Variants in NLE1 observed in about 807,000 individuals in gnomAD.
The protein encoded by NLE1 is notchless homolog 1.
In NLE1, 37 loss-of-function variants were observed where a neutral mutation model predicts 62.8. The observed-to-expected ratio is 0.59, with a 90% CI of 0.45 to 0.78. NLE1 has a LOEUF of 0.78. Among genes scored for constraint, NLE1 ranks in the 30% least tolerant of loss-of-function variants. The pLI, the probability that NLE1 is intolerant of heterozygous loss-of-function variation, is 0.00. For synonymous variants in NLE1, 243 were observed against 253.0 expected, an observed-to-expected ratio of 0.96 and a Z score of 0.37; for missense variants, 555 against 637.9, an observed-to-expected ratio of 0.87 and a Z score of 1.40.
chr17:35,132,398 C>T lies in NLE1; in HGVS notation c.*39G>A. 6.9e-7 allele frequency: 1 copy of T among 1,439,842 alleles called. No individual in the cohort carries two copies. The highest frequency in any genetic ancestry group is 9.2e-7 in the Non-Finnish European group (1 of 1,091,274). The allele number at this position is 1,439,842 out of a possible 1,614,324, so 89.2% of individuals were successfully genotyped here. On this transcript the variant is annotated 3_prime_UTR_variant, in exon 13 of 13. Transcript: ENST00000442241. Reference sequence around the variant, plus strand: ...TGGCAGGGAAGGCAGCTGGCAGAGGCCGAGTCGAGGTGGGGGTCAGAGAGA... The same window carrying T: ...TGGCAGGGAAGGCAGCTGGCAGAGGTCGAGTCGAGGTGGGGGTCAGAGAGA...
rs776328487 is a variant in NLE1 at position 35,140,002 on chromosome 17, G to C, written c.227C>G (p.Thr76Arg). The change falls in exon 3 of 13, where the codon ACG becomes AGG. Residue 76 changes from threonine (T) to arginine (R), a missense_variant. Physicochemically the swap from Thr to Arg is moderately conservative, Grantham distance 71 (BLOSUM62 -1). Coordinates refer to ENST00000442241, the MANE Select transcript of NLE1 (RefSeq NM_018096.5). ...DAEIVSSLGK[T>R]LESQAVETEK... Reference sequence around the variant, plus strand: ...TGTCTCCACTGCCTGGGACTCCAACGTCTTCCCCAGTGAGGAGACGATCTC... The same window carrying C: ...TGTCTCCACTGCCTGGGACTCCAACCTCTTCCCCAGTGAGGAGACGATCTC... 2.5e-6 allele frequency: 4 copies of C among 1,613,978 alleles called. No individual in the cohort carries two copies. Among genetic ancestry groups the C allele is most frequent in the Non-Finnish European group, 3.4e-6 (4 of 1,180,020 alleles).
intron 10 of NLE1, chr17:35,135,020 C>A: frequency 1.6e-6 from 1 of 627,714 alleles, no homozygotes; most frequent in South Asian, 1.5e-5. Flanking sequence ...CCGCTGCACT[C>A]GAGCCACTTG....
chr17:35,132,477 G>A, intron 12 of NLE1, 28 bp from the exon 13 acceptor site: 4 of 1,374,234 alleles, frequency 2.9e-6, no homozygotes, highest in Non-Finnish European at 3.8e-6. Context: ...GTGTCAGGAT[G>A]GGGATTCCAC....
At position 35,130,101 on chromosome 17, in the gene NLE1, TGAG is replaced by T; in HGVS notation, c.*2333_*2335del. On this transcript the variant is annotated 3_prime_UTR_variant, in exon 13 of 13. Transcript: ENST00000442241. ...CCCTTTGGTTGGAAATATCCCATAATGAGGAGGTACAGGCTTGAGTCATGCATC... is the reference window on the plus strand; with the variant it reads ...CCCTTTGGTTGGAAATATCCCATAATGAGGTACAGGCTTGAGTCATGCATC... 1 of 1,428,034 alleles carries T rather than the reference TGAG, an allele frequency of 7.0e-7. No homozygotes were observed. 88.5% of individuals were successfully genotyped at this position (1,428,034 alleles called of 1,614,324 possible).
chr17:35,132,617 T>C (rs1035854041), intron 12 of NLE1, among the ~76,000 whole-genome samples, 168 bp from the exon 13 acceptor site: 1 of 152,064 alleles, frequency 6.6e-6, no homozygotes, highest in Non-Finnish European at 1.5e-5. Flanking sequence ...GCCCACTCAC[T>C]GCCTGCTGCC....
At chr17:35,134,975 C>T (rs1225508388) in intron 10 of NLE1, 1 of 526,204 alleles carries the variant, frequency 1.9e-6, no homozygotes, top group South Asian at 1.5e-5. Context: ...TCACTTGAAC[C>T]CAGGAAGCAG....
intron 2 of NLE1, among the ~76,000 whole-genome samples, 165 bp downstream of exon 2, chr17:35,141,814 C>T (rs747226790): frequency 1.3e-5 from 2 of 152,216 alleles, no homozygotes; most frequent in Non-Finnish European, 2.9e-5. Flanking sequence ...GCGTGTAAAG[C>T]GCTATGCCAC....
chr17:35,134,817 C>T (rs1020680942), intron 10 of NLE1: 4 of 350,402 alleles, frequency 1.1e-5, no homozygotes, highest in South Asian at 2.2e-5. Flanking sequence ...TTTGGGAGGC[C>T]GAGGCAGTTG....
Position 35,129,783 on chromosome 17 carries a change from G to C in NLE1, c.*2654C>G. The C allele has an allele frequency of 6.9e-7, 1 of 1,457,130 alleles. No homozygotes were observed. Among genetic ancestry groups the C allele is most frequent in the Non-Finnish European group, 9.0e-7 (1 of 1,107,728 alleles). The allele number at this position is 1,457,130 out of a possible 1,614,324, so 90.3% of individuals were successfully genotyped here. A position where few individuals can be genotyped will look rare whatever the true frequency, so the allele number is the denominator to read the frequency against. ...CATCTGGCTAGCTTTCCTTCTGCCT[G>C]GGTCAAGAAGCATCAATTCCAGAAT... is the stretch of plus-strand genomic sequence containing the variant. On this transcript the variant is annotated 3_prime_UTR_variant, in exon 13 of 13. Transcript: ENST00000442241.
chr17:35,140,181 T>C (rs2091934438), intron 2 of NLE1, 115 bp from the exon 3 acceptor site: 2 of 1,168,918 alleles, frequency 1.7e-6, no homozygotes, highest in Non-Finnish European at 2.4e-6. Flanking sequence ...TCAGCCATCG[T>C]GCTAGGGATA....
rs2091863801 is a variant in NLE1, at chr17:35,129,548, A to G, written c.*2889T>C. ...GAATCGTCCATGGATCTTCAACAAG[A>G]TTTTGGGCACTACTGTCAAGCTGAT... is the stretch of plus-strand genomic sequence containing the variant. On this transcript the variant is annotated 3_prime_UTR_variant, in exon 13 of 13. Transcript: ENST00000442241. 1 of 1,613,994 alleles carries G rather than the reference A, an allele frequency of 6.2e-7. No individual in the cohort carries two copies. Among genetic ancestry groups the G allele is most frequent in the African/African-American group, 1.3e-5 (1 of 74,890 alleles).
At chr17:35,136,133 C>T in intron 9 of NLE1, 36 bp downstream of exon 9, 1 of 1,611,970 alleles carries the variant, frequency 6.2e-7, no homozygotes, top group South Asian at 1.1e-5. Context: ...AGGACTGGTA[C>T]AGAGCTAGGG....
intron 1 of NLE1, 39 bp downstream of exon 1, chr17:35,142,219 C>T: frequency 6.4e-7 from 1 of 1,563,680 alleles, no homozygotes. Flanking sequence ...CCCTAGCGCC[C>T]CGCGGCGACG....
Position 35,129,101 on chromosome 17 carries a change from C to A in NLE1, c.*3336G>T. 1 of 257,876 alleles carries A rather than the reference C, an allele frequency of 3.9e-6. No individual in the cohort carries two copies. Among genetic ancestry groups the A allele is most frequent in the Non-Finnish European group, 7.6e-6 (1 of 132,206 alleles). 16.0% of individuals were successfully genotyped at this position (257,876 alleles called of 1,614,324 possible). A position where few individuals can be genotyped will look rare whatever the true frequency, so the allele number is the denominator to read the frequency against. ...CTTCGCTTGCTCGCCCACCAATCTCCTCCTGCTGTGCTATCCAGTTCCTAA... is the reference window on the plus strand; with the variant it reads ...CTTCGCTTGCTCGCCCACCAATCTCATCCTGCTGTGCTATCCAGTTCCTAA... On this transcript the variant is annotated 3_prime_UTR_variant, in exon 13 of 13. Transcript: ENST00000442241.
Position 35,137,907 on chromosome 17 carries a change from G to C in NLE1, c.461-17C>G, listed in dbSNP as rs767274442. 6.2e-7 allele frequency: 1 copy of C among 1,601,832 alleles called. No individual in the cohort carries two copies. ...GTCTGTGTCCTAAGAAAGCAGAGGA[G>C]GGAGAAATAAGGGACTACATCTGTC... On this transcript the variant is annotated splice_polypyrimidine_tract_variant and intron_variant, in intron 4 of 12. Coordinates refer to ENST00000442241, the MANE Select transcript of NLE1 (RefSeq NM_018096.5).
At chr17:35,139,816 A>G in intron 3 of NLE1, 33 bp downstream of exon 3, 1 of 1,602,262 alleles carries the variant, frequency 6.2e-7, no homozygotes, top group East Asian at 2.2e-5. Context: ...GCACCCCCAC[A>G]TACCCCCTCC....
intron 8 of NLE1, 38 bp downstream of exon 8, chr17:35,136,324 C>T: frequency 1.6e-5 from 25 of 1,607,764 alleles, no homozygotes; most frequent in Non-Finnish European, 2.0e-5. Flanking sequence ...TGGCTCCTTC[C>T]CAATCAGCCC....
chr17:35,136,884 G>C, intron 7 of NLE1, 117 bp downstream of exon 7: 1 of 1,001,358 alleles, frequency 1.0e-6, no homozygotes, highest in Non-Finnish European at 1.5e-6. Context: ...CCTAGACCAG[G>C]GCTCCCAGCA....
chr17:35,131,515 A>G lies in NLE1; in HGVS notation c.*922T>C, dbSNP rs894743968. On this transcript the variant is annotated 3_prime_UTR_variant, in exon 13 of 13. Transcript: ENST00000442241. ...TGATGGGAATTCCTTTCACTGCTTG[A>G]AAGTTCTCGTGGCAAAGAACTTCCT... 2 of 152,236 alleles carry G rather than the reference A, an allele frequency of 1.3e-5. No homozygotes were observed. The highest frequency in any genetic ancestry group is 2.9e-5 in the Non-Finnish European group (2 of 68,050). 9.4% of individuals were successfully genotyped at this position (152,236 alleles called of 1,614,324 possible).
Sources: gnomAD v4.1 joint callset for allele counts (sites outside exome capture counted in the v4.1 genomes callset) on GRCh38, gnomAD v4.1.1 for gene constraint, MANE v1.5 for transcripts, NCBI Gene and HGNC (gene_info 2026-07-23, HGNC 2026-07-21) for gene names.